ZNF614: variants seen among roughly 807,000 people sequenced by gnomAD.
The protein encoded by ZNF614 is zinc finger protein 614.
A neutral mutation model predicts 12.8 loss-of-function variants in ZNF614; 11 were observed. That is an observed-to-expected ratio of 0.86 (90% CI 0.54 to 1.43). The LOEUF is 1.43. Among genes scored for constraint, ZNF614 ranks in the 40% most tolerant of loss-of-function variants. The pLI, the probability that ZNF614 is intolerant of heterozygous loss-of-function variation, is 0.00. For synonymous variants in ZNF614, 237 were observed against 237.5 expected, an observed-to-expected ratio of 1.00 and a Z score of 0.02; for missense variants, 664 against 708.8, an observed-to-expected ratio of 0.94 and a Z score of 0.72.
At chr19:52,020,422 T>C (rs1486318915) in intron 2 of ZNF614, among the ~76,000 whole-genome samples, 1 of 152,126 alleles carries the variant, frequency 6.6e-6, no homozygotes, top group African/African-American at 2.4e-5. Flanking sequence ...TCTGGGAAGG[T>C]TCCAAACACA....
chr19:52,015,654 T>C lies in ZNF614; in HGVS notation c.*186A>G. On this transcript the variant is annotated 3_prime_UTR_variant, in exon 5 of 5. Transcript: ENST00000270649. Reference sequence around the variant, plus strand: ...ACTAAAGGCACTACCTTATTTACTGTATTCATCAAATTGATCTCTAGGGCA... The same window carrying C: ...ACTAAAGGCACTACCTTATTTACTGCATTCATCAAATTGATCTCTAGGGCA... 3.5e-6 allele frequency: 2 copies of C among 579,510 alleles called. No individual in the cohort carries two copies. The highest frequency in any genetic ancestry group is 6.1e-6 in the Non-Finnish European group (2 of 329,106). 35.9% of individuals were successfully genotyped at this position (579,510 alleles called of 1,614,324 possible).
intron 2 of ZNF614, among the ~76,000 whole-genome samples, chr19:52,025,066 G>A (rs768428092): frequency 2.6e-5 from 4 of 152,110 alleles, no homozygotes; most frequent in Admixed American, 6.6e-5. Context: ...CCAAGACTGC[G>A]CCACTGCACT....
chr19:52,019,995 G>A (rs1013369677), intron 2 of ZNF614, among the ~76,000 whole-genome samples: 6 of 152,262 alleles, frequency 3.9e-5, no homozygotes, highest in South Asian at 4.2e-4. Flanking sequence ...GATGTCTATC[G>A]ACTGGGTAAG....
rs1317198991 is a variant in ZNF614, at chr19:52,015,584, T to C, written c.*256A>G. 6 of 372,954 alleles carry C rather than the reference T, an allele frequency of 1.6e-5. No individual in the cohort carries two copies. Among genetic ancestry groups the C allele is most frequent in the Non-Finnish European group, 2.9e-5 (6 of 206,926 alleles). 23.1% of individuals were successfully genotyped at this position (372,954 alleles called of 1,614,324 possible). ...CAAAACATCTCCACATTAATATAGT[T>C]TATTCAACGTATTTTCATTGACAGA... On this transcript the variant is annotated 3_prime_UTR_variant, in exon 5 of 5. Coordinates refer to ENST00000270649, the MANE Select transcript of ZNF614 (RefSeq NM_025040.4).
chr19:52,018,334 G>T (rs1158602436), intron 3 of ZNF614, 34 bp downstream of exon 3: 2 of 1,613,484 alleles, frequency 1.2e-6, no homozygotes, highest in Non-Finnish European at 1.7e-6. Context: ...GGCATTGTAG[G>T]CACCTCTAGG....
In ZNF614 at chr19:52,018,361, T is replaced by C; in HGVS notation, c.142+7A>G. 1.2e-6 allele frequency: 2 copies of C among 1,614,040 alleles called. No homozygotes were observed. The highest frequency in any genetic ancestry group is 1.7e-6 in the Non-Finnish European group (2 of 1,180,004). On this transcript the variant is annotated splice_region_variant and intron_variant, in intron 3 of 4. Coordinates refer to ENST00000270649, the MANE Select transcript of ZNF614 (RefSeq NM_025040.4). ...ACCTCTAGGTGACACAGGGAAACTA[T>C]TCTTACCCAGTGATACTAGGTGGTT... is the stretch of plus-strand genomic sequence containing the variant.
intron 2 of ZNF614, among the ~76,000 whole-genome samples, chr19:52,022,385 A>G (rs1017093410): frequency 1.3e-5 from 2 of 151,314 alleles, no homozygotes; most frequent in East Asian, 1.9e-4. Flanking sequence ...GCCGCCCCAC[A>G]CCACCGCCGC....
chr19:52,018,561 T>C (rs1306832023), intron 2 of ZNF614, 67 bp from the exon 3 acceptor site: 1 of 1,488,952 alleles, frequency 6.7e-7, no homozygotes, highest in African/African-American at 1.4e-5. Flanking sequence ...TATAAGATAA[T>C]TTTTTAAAAA....
intron 2 of ZNF614, among the ~76,000 whole-genome samples, chr19:52,023,097 A>C (rs2086942694): frequency 6.6e-6 from 1 of 150,940 alleles, no homozygotes; most frequent in South Asian, 2.1e-4. Flanking sequence ...AAAAAGAAAA[A>C]AAAAAAAAGA....
chr19:52,018,408 C>G lies in ZNF614; in HGVS notation c.102G>C (p.Arg34=), dbSNP rs747725576. ...GGTTATAGTTCTCCACCATCACATC[C>G]CGGTACAGGTTCTTCTGAGCAGTGT... The part of the protein sequence containing the change: ...LLDTAQKNLY[R]DVMVENYNHL... The change falls in exon 3 of 5, where the codon CGG becomes CGC. Residue 34 remains arginine (R), a synonymous_variant. Coordinates refer to ENST00000270649, the MANE Select transcript of ZNF614 (RefSeq NM_025040.4). 1.5e-5 allele frequency: 25 copies of G among 1,613,978 alleles called. No homozygotes were observed. Among genetic ancestry groups the G allele is most frequent in the Middle Eastern group, 1.6e-4 (1 of 6,084 alleles).
At chr19:52,025,643 AC>A (rs1408243596) in intron 2 of ZNF614, 87 bp downstream of exon 2, 26 of 1,440,078 alleles carry the variant, frequency 1.8e-5, no homozygotes, top group Non-Finnish European at 2.4e-5. Flanking sequence ...TCCCTAGAAC[AC>A]AATTATCCCA....
chr19:52,023,942 A>G (rs1363142921), intron 2 of ZNF614, among the ~76,000 whole-genome samples: 1 of 152,146 alleles, frequency 6.6e-6, no homozygotes, highest in Non-Finnish European at 1.5e-5. Flanking sequence ...TGTGGAAGGG[A>G]GAGGTGATGG....
At chr19:52,027,027 C>T (rs2086979892) in intron 1 of ZNF614, among the ~76,000 whole-genome samples, 2 of 152,214 alleles carry the variant, frequency 1.3e-5, no homozygotes, top group Admixed American at 1.3e-4. Context: ...AGACCAGTGC[C>T]AGCGTGGGTC....
intron 1 of ZNF614, among the ~76,000 whole-genome samples, chr19:52,026,803 C>T (rs1410088191): frequency 6.6e-6 from 1 of 152,246 alleles, no homozygotes; most frequent in African/African-American, 2.4e-5. Flanking sequence ...GGAGGTGAGA[C>T]ATGCTGGTGG....
chr19:52,025,777 A>G lies in ZNF614; in HGVS notation c.-32T>C. The G allele has an allele frequency of 6.2e-7, 1 of 1,612,978 alleles. No homozygotes were observed. Reference sequence around the variant, plus strand: ...CTGTGCTCAGAAAATAGTGGATAACATGGACTATACGTCTTTGTCTCTTCT... The same window carrying G: ...CTGTGCTCAGAAAATAGTGGATAACGTGGACTATACGTCTTTGTCTCTTCT... On this transcript the variant is annotated 5_prime_UTR_variant, in exon 2 of 5. An upstream start codon of the reference 5' UTR is lost. Transcript: ENST00000270649.
intron 1 of ZNF614, among the ~76,000 whole-genome samples, chr19:52,026,775 G>A (rs1458696289): frequency 6.6e-6 from 1 of 152,234 alleles, no homozygotes; most frequent in African/African-American, 2.4e-5. Flanking sequence ...TGAGATAGGA[G>A]AAAACCGCCT....
chr19:52,023,316 G>A (rs565617178), intron 2 of ZNF614, among the ~76,000 whole-genome samples: 19 of 151,670 alleles, frequency 1.3e-4, no homozygotes, highest in South Asian at 4.2e-4. Context: ...CTATAGGCAC[G>A]TGCCACCACG....
intron 2 of ZNF614, among the ~76,000 whole-genome samples, chr19:52,020,073 G>A (rs889122058): frequency 7.9e-5 from 12 of 152,274 alleles, no homozygotes; most frequent in Admixed American, 7.8e-4. Flanking sequence ...AATCTTGCAG[G>A]CCAACTCTAA....
At position 52,016,026 on chromosome 19, in the gene ZNF614, T is replaced by C; in HGVS notation, c.1572A>G (p.Ser524=). The change falls in exon 5 of 5, where the codon TCA becomes TCG. Residue 524 remains serine (S), a synonymous_variant. Transcript: ENST00000270649. ...GCGTTCTTTGATGTACATTGAGTACTGACTTTGTGGTGAAGGCTTTTCCAC... is the reference window on the plus strand; with the variant it reads ...GCGTTCTTTGATGTACATTGAGTACCGACTTTGTGGTGAAGGCTTTTCCAC... ...NECGKAFTTK[S]VLNVHQRTHT... The C allele has an allele frequency of 1.2e-6, 2 of 1,614,208 alleles. No homozygotes were observed. Among genetic ancestry groups the C allele is most frequent in the East Asian group, 2.2e-5 (1 of 44,880 alleles).
Sources: allele counts gnomAD v4.1 joint callset (sites outside exome capture counted in the v4.1 genomes callset), GRCh38; gene constraint gnomAD v4.1.1; transcripts MANE v1.5; gene names NCBI Gene and HGNC (gene_info 2026-07-23, HGNC 2026-07-21).